PLPPR5: variants seen among roughly 807,000 people sequenced by gnomAD.
PLPPR5 encodes phospholipid phosphatase related 5.
In PLPPR5, 16 loss-of-function variants were observed where a neutral mutation model predicts 33.9. That is an observed-to-expected ratio of 0.47 (90% confidence interval 0.32 to 0.72). The LOEUF is 0.72. Among genes scored for constraint, PLPPR5 ranks in the 30% least tolerant of loss-of-function variants. PLPPR5 has a pLI of 0.03. For synonymous variants in PLPPR5, 163 were observed against 150.3 expected, an observed-to-expected ratio of 1.08 and a Z score of -0.62; for missense variants, 301 against 406.7, an observed-to-expected ratio of 0.74 and a Z score of 2.23.
intron 1 of PLPPR5, among the ~76,000 whole-genome samples, chr1:98,995,452 G>C (rs1570764347): frequency 6.6e-6 from 1 of 152,072 alleles, no homozygotes; most frequent in Non-Finnish European, 1.5e-5. Context: ...TGTACCTCCT[G>C]AACCTAGAAT....
intron 1 of PLPPR5, among the ~76,000 whole-genome samples, chr1:98,960,514 T>A (rs1182216837): frequency 6.6e-6 from 1 of 152,208 alleles, no homozygotes; most frequent in African/African-American, 2.4e-5. Context: ...TGCTCTCAGA[T>A]AAATTCAAAT....
At chr1:98,992,145 G>A (rs1652473725) in intron 1 of PLPPR5, among the ~76,000 whole-genome samples, 1 of 152,128 alleles carries the variant, frequency 6.6e-6, no homozygotes, top group Non-Finnish European at 1.5e-5. Context: ...TAAATTAAAG[G>A]ATGGAAAGTG....
At position 99,004,561 on chromosome 1, in the gene PLPPR5, G is replaced by T. The variant is rs144194271; in HGVS notation, c.111C>A (p.Thr37=). The stretch of plus-strand genomic sequence containing the variant: ...GGCAGAAGAAGCCCTGCACGTTCAC[G>T]GTGAACGTGTCCGTATACTCGAAGT... ...AYYFEYTDTF[T]VNVQGFFCHD... The change falls in exon 1 of 6, where the codon ACC becomes ACA. Residue 37 remains threonine, a synonymous_variant. Transcript: ENST00000263177. 20,044 of 1,612,970 alleles carry T rather than the reference G, an allele frequency of 0.012. 161 individuals carry two copies. The highest frequency in any genetic ancestry group is 0.014 in the Non-Finnish European group (16,123 of 1,179,764).
chr1:98,927,666 C>T (rs951950991), intron 3 of PLPPR5, among the ~76,000 whole-genome samples: 1 of 152,164 alleles, frequency 6.6e-6, no homozygotes, highest in Non-Finnish European at 1.5e-5. Flanking sequence ...AGCCCTTCTA[C>T]TTTCTGTTAT....
chr1:98,917,825 A>C (rs1300484752), intron 4 of PLPPR5, among the ~76,000 whole-genome samples: 1 of 152,220 alleles, frequency 6.6e-6, no homozygotes, highest in East Asian at 1.9e-4. Context: ...GTCTCTTCCA[A>C]GTTCCACAAA....
intron 4 of PLPPR5, among the ~76,000 whole-genome samples, chr1:98,916,566 A>G (rs1327280561): frequency 6.6e-6 from 1 of 152,208 alleles, no homozygotes; most frequent in African/African-American, 2.4e-5. Context: ...TTTTGGTGCA[A>G]AAATAGCCAC....
chr1:98,912,338 T>C (rs1392722331), intron 5 of PLPPR5, among the ~76,000 whole-genome samples: 2 of 152,196 alleles, frequency 1.3e-5, no homozygotes, highest in Non-Finnish European at 2.9e-5. Context: ...AACAATTCAA[T>C]GGCTTAGAGG....
chr1:98,963,802 A>G (rs1651334410), intron 1 of PLPPR5, among the ~76,000 whole-genome samples: 1 of 152,216 alleles, frequency 6.6e-6, no homozygotes, highest in Non-Finnish European at 1.5e-5. Flanking sequence ...TCTGCTGTCC[A>G]GGTATAAGAA....
At chr1:98,893,966 A>C (rs1648377958) in intron 5 of PLPPR5, among the ~76,000 whole-genome samples, 1 of 152,056 alleles carries the variant, frequency 6.6e-6, no homozygotes, top group African/African-American at 2.4e-5. Context: ...TGTATGCCAT[A>C]AAATGTTCTC....
At chr1:98,995,260 T>G (rs947612164) in intron 1 of PLPPR5, among the ~76,000 whole-genome samples, 3 of 151,888 alleles carry the variant, frequency 2.0e-5, no homozygotes, top group Non-Finnish European at 4.4e-5. Flanking sequence ...ACTTAAACAC[T>G]GAGTATATAT....
At chr1:98,919,956 AT>A (rs1258112992) in intron 4 of PLPPR5, among the ~76,000 whole-genome samples, 1 of 152,190 alleles carries the variant, frequency 6.6e-6, no homozygotes, top group Non-Finnish European at 1.5e-5. Flanking sequence ...AGGCATTCAC[AT>A]TCATAAATGG....
At chr1:98,958,569 G>A (rs1199132864) in intron 1 of PLPPR5, among the ~76,000 whole-genome samples, 1 of 152,180 alleles carries the variant, frequency 6.6e-6, no homozygotes, top group African/African-American at 2.4e-5. Flanking sequence ...TGGCATTGGT[G>A]AAGTAGAGCG....
chr1:98,958,067 T>C (rs1651080307), intron 1 of PLPPR5, among the ~76,000 whole-genome samples: 1 of 152,210 alleles, frequency 6.6e-6, no homozygotes, highest in African/African-American at 2.4e-5. Flanking sequence ...TCTCTAATAC[T>C]ATGAACAACA....
rs536274298 is a variant in PLPPR5 at position 98,912,887 on chromosome 1, ATAT to A, written c.933+1896_933+1898del. On this transcript the variant is annotated intron_variant, in intron 5 of 5. Coordinates refer to ENST00000263177, the MANE Select transcript of PLPPR5 (RefSeq NM_001037317.2). Reference sequence around the variant, plus strand: ...AATGGTAGTCATTATTAGTGTTAGTATATTATTATTATTAAGTACTTCTATCCT... The same window carrying A: ...AATGGTAGTCATTATTAGTGTTAGTATATTATTATTAAGTACTTCTATCCT... 7.5e-3 allele frequency among the ~76,000 whole-genome samples: 1,140 copies of A among 152,170 alleles called. 12 individuals carry two copies. Among genetic ancestry groups the A allele is most frequent in the Non-Finnish European group, 0.012 (792 of 67,984 alleles).
chr1:98,908,489 T>C (rs7555367), intron 5 of PLPPR5, among the ~76,000 whole-genome samples: 2 of 152,066 alleles, frequency 1.3e-5, no homozygotes, highest in African/African-American at 4.8e-5. Flanking sequence ...ATAATTAATA[T>C]AGTTTTTGTG....
At chr1:98,968,706 T>C (rs1232760604) in intron 1 of PLPPR5, among the ~76,000 whole-genome samples, 4 of 151,962 alleles carry the variant, frequency 2.6e-5, no homozygotes, top group African/African-American at 7.2e-5. Context: ...ATAAATCTAC[T>C]ATGTACCCAT....
intron 1 of PLPPR5, among the ~76,000 whole-genome samples, chr1:98,987,651 C>G (rs948259240): frequency 6.6e-6 from 1 of 151,872 alleles, no homozygotes; most frequent in Non-Finnish European, 1.5e-5. Context: ...CTGACAAATA[C>G]TGTTTTCTGA....
rs940821594 is a variant in PLPPR5, at chr1:98,942,140, C to T, written c.621+10930G>A. Among the ~76,000 whole-genome samples the T allele has an allele frequency of 5.4e-4, 80 of 148,014 alleles. 2 individuals carry two copies. The highest frequency in any genetic ancestry group is 1.4e-3 in the African/African-American group (59 of 41,280). ...AGGCTGGAGTGCAGTGGCGCAATCTCGGCTCACTGCAACCTCTGCCTCCTG... is the reference window on the plus strand; with the variant it reads ...AGGCTGGAGTGCAGTGGCGCAATCTTGGCTCACTGCAACCTCTGCCTCCTG... On this transcript the variant is annotated intron_variant, in intron 3 of 5. Coordinates refer to ENST00000263177, the MANE Select transcript of PLPPR5 (RefSeq NM_001037317.2).
chr1:98,908,509 T>C (rs908325078), intron 5 of PLPPR5, among the ~76,000 whole-genome samples: 4 of 152,196 alleles, frequency 2.6e-5, no homozygotes, highest in African/African-American at 7.2e-5. Context: ...GTCTTGGAGA[T>C]ATCCTGAAGC....
Sources: gnomAD v4.1 joint callset for allele counts (sites outside exome capture counted in the v4.1 genomes callset) on GRCh38, gnomAD v4.1.1 for gene constraint, MANE v1.5 for transcripts, NCBI Gene and HGNC (gene_info 2026-07-23, HGNC 2026-07-21) for gene names.